Variants in KLRG1 observed in about 807,000 individuals in gnomAD.
KLRG1 encodes the protein killer cell lectin-like receptor subfamily G member 1.
A neutral mutation model predicts 21.8 loss-of-function variants in KLRG1; 16 were observed. The observed-to-expected ratio is 0.73, with a 90% CI of 0.50 to 1.11. The LOEUF (loss-of-function observed/expected upper bound fraction) is 1.11. Among genes scored for constraint, KLRG1 ranks in the 50% most tolerant of loss-of-function variants. KLRG1 has a pLI of 0.00. For missense variants in KLRG1, 173 were observed against 218.3 expected (o/e 0.79, Z 1.31); for synonymous variants, 69 against 75.9 (o/e 0.91, Z 0.47).
At chr12:8,966,630 A>C (rs1321907814) in intron 1 of KLRG1, among the ~76,000 whole-genome samples, 8 of 152,046 alleles carry the variant, frequency 5.3e-5, no homozygotes, top group Non-Finnish European at 2.9e-5. Context: ...CAAAACCACA[A>C]TGAGATACCA....
the KLRG1 span, among the ~76,000 whole-genome samples, chr12:9,092,183 C>T: frequency 6.6e-6 from 1 of 152,122 alleles, no homozygotes; most frequent in African/African-American, 2.4e-5. Flanking sequence ...TCCCATGCCT[C>T]CTTCCCCTGG....
the KLRG1 span, chr12:9,202,725 G>A: frequency 1.3e-6 from 2 of 1,573,088 alleles, no homozygotes; most frequent in Admixed American, 1.8e-5. Context: ...GAACTGTGCA[G>A]TCTTCTCCCT....
chr12:9,157,188 T>C, the KLRG1 span: 6 of 1,613,568 alleles, frequency 3.7e-6, no homozygotes, highest in East Asian at 1.3e-4. Context: ...CTTTCACAGC[T>C]TCCTTATCAA....
At chr12:8,965,071 A>G (rs770073078) in intron 1 of KLRG1, among the ~76,000 whole-genome samples, 1 of 152,348 alleles carries the variant, frequency 6.6e-6, no homozygotes, top group East Asian at 1.9e-4. Context: ...TATAAACAGA[A>G]CCAAAGACAA....
the KLRG1 span, chr12:9,149,124 G>A: frequency 5.1e-6 from 4 of 783,262 alleles, no homozygotes; most frequent in Middle Eastern, 2.3e-4. Flanking sequence ...ATTATTTTAG[G>A]TTTATATGCC....
the KLRG1 span, chr12:9,091,531 A>G: frequency 2.5e-6 from 3 of 1,198,082 alleles, no homozygotes; most frequent in South Asian, 1.5e-5. Flanking sequence ...ACTTAAAAAC[A>G]CTCAATAGAA....
the KLRG1 span, chr12:9,072,270 A>T: frequency 6.9e-7 from 1 of 1,446,020 alleles, no homozygotes; most frequent in Non-Finnish European, 9.5e-7. Flanking sequence ...GCAAATATCT[A>T]CTGTTGCACT....
chr12:9,027,412 C>T, the KLRG1 span: 1 of 562,092 alleles, frequency 1.8e-6, no homozygotes, highest in East Asian at 4.0e-5. Flanking sequence ...AACATGTCTT[C>T]TTTGTAGCAG....
At chr12:9,022,325 A>G in the KLRG1 span, among the ~76,000 whole-genome samples, 65 of 152,314 alleles carry the variant, frequency 4.3e-4, no homozygotes, top group African/African-American at 1.4e-3. Flanking sequence ...CTACGACTTC[A>G]TGGAATCACG....
the KLRG1 span, among the ~76,000 whole-genome samples, chr12:9,136,417 G>A: frequency 6.6e-6 from 1 of 152,022 alleles, no homozygotes; most frequent in African/African-American, 2.4e-5. Context: ...ATTGATTGTG[G>A]CAAAGTTGTA....
At chr12:9,157,486 T>C in the KLRG1 span, 2 of 870,234 alleles carry the variant, frequency 2.3e-6, no homozygotes, top group Non-Finnish European at 3.5e-6. Flanking sequence ...ATATTCATCA[T>C]ATTTAAATAG....
At chr12:9,024,661 T>C in the KLRG1 span, among the ~76,000 whole-genome samples, 1 of 152,158 alleles carries the variant, frequency 6.6e-6, no homozygotes, top group East Asian at 1.9e-4. Context: ...ATGTATAAAT[T>C]TGGGTGCCTA....
In KLRG1 at chr12:8,991,100, A is replaced by G. The variant is rs181091062; in HGVS notation, c.83-1106A>G. ...TCAGAAAATTGAAGCCCAAATAGGC[A>G]AGTTTAATTTCCTAATTAAATGTTA... On this transcript the variant is annotated intron_variant, in intron 1 of 4. Transcript: ENST00000356986. 2.9e-3 allele frequency among the ~76,000 whole-genome samples: 441 copies of G among 152,302 alleles called. 2 individuals carry two copies. The highest frequency in any genetic ancestry group is 6.8e-3 in the Middle Eastern group (2 of 294).
At chr12:9,098,571 G>A in the KLRG1 span, 39 of 1,566,662 alleles carry the variant, frequency 2.5e-5, 1 homozygote, top group South Asian at 2.9e-4. Context: ...CCCCTGGCAC[G>A]GCCCTTCTTG....
the KLRG1 span, chr12:9,152,189 A>T: frequency 1.4e-6 from 2 of 1,435,190 alleles, no homozygotes; most frequent in Non-Finnish European, 2.0e-6. Flanking sequence ...ATACTTTTGT[A>T]TGAAGTCTAT....
At chr12:9,058,117 T>A in the KLRG1 span, 1 of 152,214 alleles carries the variant, frequency 6.6e-6, no homozygotes, top group Non-Finnish European at 1.5e-5. Flanking sequence ...CAGGGGCTGT[T>A]CTTTTGCTGC....
At chr12:8,955,063 C>G (rs745641057) in intron 1 of KLRG1, among the ~76,000 whole-genome samples, 8 of 151,970 alleles carry the variant, frequency 5.3e-5, no homozygotes, top group African/African-American at 1.9e-4. Flanking sequence ...ACTACAGGCG[C>G]CTGCCATCAT....
chr12:8,963,436 C>T (rs975916524), intron 1 of KLRG1, among the ~76,000 whole-genome samples: 3 of 152,146 alleles, frequency 2.0e-5, no homozygotes, highest in African/African-American at 7.2e-5. Context: ...TTCGGTTTGC[C>T]AGCATTTTAT....
At chr12:9,019,499 C>T in the KLRG1 span, among the ~76,000 whole-genome samples, 2 of 152,096 alleles carry the variant, frequency 1.3e-5, no homozygotes, top group African/African-American at 4.8e-5. Context: ...TTCACAATAG[C>T]CAAGATTTGT....
Sources: gnomAD v4.1 joint callset for allele counts (sites outside exome capture counted in the v4.1 genomes callset) on GRCh38, gnomAD v4.1.1 for gene constraint, MANE v1.5 for transcripts, NCBI Gene and HGNC (gene_info 2026-07-23, HGNC 2026-07-21) for gene names.